The following WDR81 variants were observed in gnomAD, a reference collection of about 807,000 sequenced individuals.
The protein encoded by WDR81 is WD repeat-containing protein 81.
In WDR81, 92 loss-of-function variants were observed where a neutral mutation model predicts 140.8. The ratio of observed to expected loss-of-function variants is 0.65; its 90% CI spans 0.55 to 0.78. The LOEUF (loss-of-function observed/expected upper bound fraction) is 0.78. Among genes scored for constraint, WDR81 ranks in the 30% least tolerant of loss-of-function variants. WDR81 has a pLI of 0.00. For missense variants in WDR81, 2,502 were observed against 2,636.4 expected (o/e 0.95, Z 1.12); for synonymous variants, 1,183 against 1,156.4 (o/e 1.02, Z -0.47).
In WDR81 at chr17:1,724,944, G is replaced by A. The variant is rs1389942430; in HGVS notation, c.-16G>A. The A allele has an allele frequency of 2.2e-6, 3 of 1,388,920 alleles. No homozygotes were observed. Among genetic ancestry groups the A allele is most frequent in the South Asian group, 1.7e-5 (1 of 59,504 alleles). 86.0% of individuals were successfully genotyped at this position (1,388,920 alleles called of 1,614,324 possible). The stretch of plus-strand genomic sequence containing the variant: ...CTGGGCTCAGCCCCGCGCTGCCCCC[G>A]GGCGGCCTGGAGGAGATGGCCCAGG... On this transcript the variant is annotated 5_prime_UTR_variant, in exon 1 of 10. Coordinates refer to ENST00000409644, the MANE Select transcript of WDR81 (RefSeq NM_001163809.2).
In WDR81 at chr17:1,737,755, C is replaced by T. The variant is rs1003823398; in HGVS notation, c.*70C>T. ...GGCGCGTGTCCACTCACCCTGTTCC[C>T]TGAGCAGCAGCTCCCTCCAGGGAGG... On this transcript the variant is annotated 3_prime_UTR_variant, in exon 10 of 10. Coordinates refer to ENST00000409644, the MANE Select transcript of WDR81 (RefSeq NM_001163809.2). The T allele has an allele frequency of 3.9e-5, 58 of 1,498,532 alleles. No homozygotes were observed. The highest frequency in any genetic ancestry group is 5.0e-5 in the Non-Finnish European group (56 of 1,126,196). 92.8% of individuals were successfully genotyped at this position (1,498,532 alleles called of 1,614,324 possible). A position where few individuals can be genotyped will look rare whatever the true frequency, so the allele number is the denominator to read the frequency against.
upstream of WDR81, among the ~76,000 whole-genome samples, chr17:1,722,795 C>A (rs1268303406): frequency 6.6e-6 from 1 of 151,182 alleles, no homozygotes; most frequent in African/African-American, 2.4e-5. Flanking sequence ...CAGGTTCAAG[C>A]GATTCTCCTG....
Position 1,725,315 on chromosome 17 carries a change from T to C in WDR81, c.356T>C (p.Leu119Pro). Reference sequence around the variant, plus strand: ...CGGAAGCGGAGACTGTCCTACCCTCTGGGCGGGGGCCTGCCCTTTGAGGAC... The same window carrying C: ...CGGAAGCGGAGACTGTCCTACCCTCCGGGCGGGGGCCTGCCCTTTGAGGAC... ...GLRKRRLSYP[L>P]GGGLPFEDGS... Residue 119 changes from leucine (L) to proline (P), a missense_variant, in exon 1 of 10, where the codon CTG becomes CCG. By Grantham distance (98) the Leu-to-Pro change is moderately conservative. Around this residue, in one of 3 missense-constraint regions of WDR81, gnomAD observed 547 missense variants for 513.8 expected, o/e 1.06. Coordinates refer to ENST00000409644, the MANE Select transcript of WDR81 (RefSeq NM_001163809.2). The C allele has an allele frequency of 6.5e-7, 1 of 1,548,616 alleles. No individual in the cohort carries two copies. Among genetic ancestry groups the C allele is most frequent in the Non-Finnish European group, 8.7e-7 (1 of 1,146,964 alleles).
At chr17:1,719,362 A>T (rs1287036728) in intron 1 of WDR81, among the ~76,000 whole-genome samples, 1 of 151,534 alleles carries the variant, frequency 6.6e-6, no homozygotes, top group Non-Finnish European at 1.5e-5. Context: ...CCTGGCTAAC[A>T]CTGTGAAACC....
Position 1,737,553 on chromosome 17 carries a change from G to A in WDR81, c.5694G>A (p.Glu1898=), listed in dbSNP as rs1396194673. ...SNKIGVCSLL[E]PPSQATTKLS... ...AGATTGGCGTCTGCTCCCTGCTTGAGCCACCCTCGCAGGCCACCACGAAGC... is the reference window on the plus strand; with the variant it reads ...AGATTGGCGTCTGCTCCCTGCTTGAACCACCCTCGCAGGCCACCACGAAGC... The change falls in exon 10 of 10, where the codon GAG becomes GAA. Residue 1898 remains glutamate (E), a synonymous_variant. Transcript: ENST00000409644. 6.2e-7 allele frequency: 1 copy of A among 1,612,830 alleles called. No homozygotes were observed. The highest frequency in any genetic ancestry group is 8.5e-7 in the Non-Finnish European group (1 of 1,180,010).
intron 6 of WDR81, 178 bp downstream of exon 6, chr17:1,733,009 G>A: frequency 2.7e-6 from 2 of 741,562 alleles, no homozygotes; most frequent in Non-Finnish European, 4.1e-6. Context: ...AACAAGGACT[G>A]AGCAGTAGCC....
Position 1,736,021 on chromosome 17 carries a change from G to A in WDR81, c.5326-18G>A. On this transcript the variant is annotated intron_variant, in intron 8 of 9. Transcript: ENST00000409644. ...GATGGGAAGGTGGTGCCTCAGCTCA[G>A]CCGCCCTCTCCCTGCAGCACGAGTT... 1 of 1,577,358 alleles carries A rather than the reference G, an allele frequency of 6.3e-7. No individual in the cohort carries two copies. The highest frequency in any genetic ancestry group is 8.6e-7 in the Non-Finnish European group (1 of 1,166,910).
intron 1 of WDR81, among the ~76,000 whole-genome samples, chr17:1,728,863 G>A (rs1007988160): frequency 2.6e-5 from 4 of 152,152 alleles, no homozygotes; most frequent in Non-Finnish European, 4.4e-5. Flanking sequence ...TGAGGCAGGA[G>A]AATGGCGTGA....
rs774586162 is a variant in WDR81 at position 1,733,827 on chromosome 17, GCGA to G, written c.4795_4797del (p.Asp1599del). The G allele has an allele frequency of 1.7e-5, 27 of 1,612,342 alleles. No individual in the cohort carries two copies. In the Admixed American group the frequency reaches 3.8e-4, roughly 23 times the overall value. ...GGTGGCGGGGGCCTGGGCAGCGGGA[GCGA>G]CGACAACGCCCTGAAGCAGGAGCTG... On this transcript the variant is annotated inframe_deletion, in exon 7 of 10. Coordinates refer to ENST00000409644, the MANE Select transcript of WDR81 (RefSeq NM_001163809.2).
At position 1,732,724 on chromosome 17, in the gene WDR81, C is replaced by T; in HGVS notation, c.4382C>T (p.Ser1461Phe). The change falls in exon 6 of 10, where the codon TCT (serine) becomes TTT (phenylalanine). Residue 1461 changes from serine to phenylalanine, a missense_variant. By Grantham distance (155) the Ser-to-Phe change is radical. Coordinates refer to ENST00000409644, the MANE Select transcript of WDR81 (RefSeq NM_001163809.2). ...GGCCAGCTGCCACAGGTGGTCTTCT[C>T]TGATGGGCAGCAGCGGCCCGTGGAC... is the stretch of plus-strand genomic sequence containing the variant. ...GEGQLPQVVF[S>F]DGQQRPVDPA... The T allele has an allele frequency of 6.2e-7, 1 of 1,612,876 alleles. No homozygotes were observed.
At chr17:1,720,604 C>G (rs2151155885), upstream of WDR81, among the ~76,000 whole-genome samples, 1 of 151,950 alleles carries the variant, frequency 6.6e-6, no homozygotes, top group East Asian at 1.9e-4. Flanking sequence ...TGGTGAAACC[C>G]CATCTCTACT....
chr17:1,732,676 T>G lies in WDR81; in HGVS notation c.4334T>G (p.Leu1445Arg), dbSNP rs1278214720. Residue 1445 changes from leucine (L) to arginine (R), a missense_variant, in exon 6 of 10, where the codon CTG becomes CGG. Coordinates refer to ENST00000409644, the MANE Select transcript of WDR81 (RefSeq NM_001163809.2). ...LHELRQQDLK[L>R]DPAGRGEGQL... Reference sequence around the variant, plus strand: ...GTGTCTTGCTCATAGGATCTGAAGCTGGACCCTGCGGGCCGTGGTGAGGGC... The same window carrying G: ...GTGTCTTGCTCATAGGATCTGAAGCGGGACCCTGCGGGCCGTGGTGAGGGC... The G allele has an allele frequency of 6.2e-7, 1 of 1,606,254 alleles. No individual in the cohort carries two copies. Among genetic ancestry groups the G allele is most frequent in the Non-Finnish European group, 8.5e-7 (1 of 1,176,072 alleles).
chr17:1,731,872 A>C (rs1904376047), intron 4 of WDR81, among the ~76,000 whole-genome samples: 2 of 151,424 alleles, frequency 1.3e-5, no homozygotes, highest in Admixed American at 1.3e-4. Context: ...GGTTGCAGTG[A>C]GCTGAGATCA....
chr17:1,737,368 G>T lies in WDR81; in HGVS notation c.5509G>T (p.Val1837Leu). The T allele has an allele frequency of 6.2e-7, 1 of 1,603,938 alleles. No homozygotes were observed. Among genetic ancestry groups the T allele is most frequent in the Non-Finnish European group, 8.5e-7 (1 of 1,174,422 alleles). Residue 1837 changes from valine (V) to leucine (L), a missense_variant, in exon 10 of 10, where the codon GTG becomes TTG. Physicochemically the swap from Val to Leu is conservative, Grantham distance 32 (BLOSUM62 1). Coordinates refer to ENST00000409644, the MANE Select transcript of WDR81 (RefSeq NM_001163809.2). ...AGGCTCTCCTCTCCCGGGACAGGCG[G>T]TGGAGGGCAGCGTCCTGGTCAGCTC... is the stretch of plus-strand genomic sequence containing the variant. ...HEGDILQIKAVEGSVLVSSSS... is the reference protein window; with the variant it reads ...HEGDILQIKALEGSVLVSSSS...
Position 1,735,451 on chromosome 17 carries a change from C to CATTT in WDR81, c.5180-120_5180-117dup. On this transcript the variant is annotated intron_variant, in intron 7 of 9. Transcript: ENST00000409644. This position sits in a 1 kb window ranked among gnomAD's most constrained non-coding sequence, Gnocchi z 4.2. The stretch of plus-strand genomic sequence containing the variant: ...CTCAAAAAAAGAGAAACATCTTTAG[C>CATTT]ATTTTCTAAGGATCCCTGGGGGACG... 1 of 1,069,068 alleles carries CATTT rather than the reference C, an allele frequency of 9.4e-7. No individual in the cohort carries two copies. The allele number at this position is 1,069,068 out of a possible 1,614,324, so 66.2% of individuals were successfully genotyped here. A position where few individuals can be genotyped will look rare whatever the true frequency, so the allele number is the denominator to read the frequency against.
At chr17:1,717,202 A>C in intron 1 of WDR81, 1 of 154,104 alleles carries the variant, frequency 6.5e-6, no homozygotes, top group South Asian at 1.8e-4. Context: ...GTGGAGACCA[A>C]TGAGCAGGCT....
intron 5 of WDR81, 48 bp from the exon 6 acceptor site, chr17:1,732,618 G>A (rs768382571): frequency 6.3e-7 from 1 of 1,575,592 alleles, no homozygotes; most frequent in Non-Finnish European, 8.6e-7. Context: ...GGGTGGGCCA[G>A]GGTGGGAGCT....
intron 7 of WDR81, among the ~76,000 whole-genome samples, 186 bp downstream of exon 7, chr17:1,734,402 T>G (rs1303425434): frequency 6.6e-6 from 1 of 152,258 alleles, no homozygotes; most frequent in Non-Finnish European, 1.5e-5. Context: ...ACCGGCTTAC[T>G]TGCTGAGTGA....
rs772249126 is a variant in WDR81, at chr17:1,733,803, G to A, written c.4766G>A (p.Gly1589Asp). The A allele has an allele frequency of 6.2e-7, 1 of 1,612,272 alleles. No homozygotes were observed. The highest frequency in any genetic ancestry group is 1.7e-5 in the Admixed American group (1 of 59,982). The change falls in exon 7 of 10, where the codon GGT becomes GAT. Residue 1589 changes from glycine (G) to aspartate (D), a missense_variant. Transcript: ENST00000409644. Reference protein sequence around the residue: ...PGPLGPISGVGGGGLGSGSDD... With the variant: ...PGPLGPISGVDGGGLGSGSDD... ...CCACTGGGCCCCATCTCGGGGGTGG[G>A]TGGCGGGGGCCTGGGCAGCGGGAGC...
Sources: gnomAD v4.1 joint callset for allele counts (sites outside exome capture counted in the v4.1 genomes callset) on GRCh38, gnomAD v4.1.1 for gene constraint, gnomAD v4.1.1 regional missense constraint, Gnocchi (gnomAD v3.1) non-coding constraint, MANE v1.5 for transcripts, NCBI Gene and HGNC (gene_info 2026-07-23, HGNC 2026-07-21) for gene names.